CLASP2: variants seen among roughly 807,000 people sequenced by gnomAD.
The protein encoded by CLASP2 is cytoplasmic linker associated protein 2, also known as CLIP-associating protein 2.
In CLASP2, 47 loss-of-function variants were observed where a neutral mutation model predicts 194.4. The ratio of observed to expected loss-of-function variants is 0.24; its 90% CI spans 0.19 to 0.31. The LOEUF is 0.31. Ranked by LOEUF, CLASP2 falls within the 10% of genes least tolerant of loss-of-function variation. The pLI, the probability that CLASP2 is intolerant of heterozygous loss-of-function variation, is 1.00. For missense variants in CLASP2, 1,445 were observed against 1,823.6 expected (o/e 0.79, Z 3.78); for synonymous variants, 619 against 633.5 (o/e 0.98, Z 0.34).
At chr3:33,646,667 T>C (rs62252159) in intron 7 of CLASP2, among the ~76,000 whole-genome samples, 1 of 152,020 alleles carries the variant, frequency 6.6e-6, no homozygotes, top group African/African-American at 2.4e-5. Flanking sequence ...GTCCCTACCA[T>C]TAAAAAAAAA....
intron 6 of CLASP2, among the ~76,000 whole-genome samples, chr3:33,666,932 T>C (rs2086276839): frequency 6.6e-6 from 1 of 152,204 alleles, no homozygotes; most frequent in South Asian, 2.1e-4. Flanking sequence ...GGGTGCATAA[T>C]AGTTTTGATC....
intron 8 of CLASP2, among the ~76,000 whole-genome samples, chr3:33,638,481 T>C (rs1339639157): frequency 6.6e-6 from 1 of 152,036 alleles, no homozygotes; most frequent in African/African-American, 2.4e-5. Context: ...ATTTTTTTTG[T>C]ATTTTCAGTA....
chr3:33,579,520 T>A (rs938635612), intron 23 of CLASP2, among the ~76,000 whole-genome samples: 1 of 152,164 alleles, frequency 6.6e-6, no homozygotes, highest in Non-Finnish European at 1.5e-5. Context: ...AAATCTGAGA[T>A]CCTTCCCACT....
chr3:33,692,324 T>C (rs1263653866), intron 2 of CLASP2, among the ~76,000 whole-genome samples: 1 of 152,158 alleles, frequency 6.6e-6, no homozygotes, highest in East Asian at 1.9e-4. Context: ...AGACACTTCA[T>C]TCCTGAGAGG....
chr3:33,625,858 T>G (rs1293021095), intron 10 of CLASP2, among the ~76,000 whole-genome samples: 1 of 152,010 alleles, frequency 6.6e-6, no homozygotes, highest in Non-Finnish European at 1.5e-5. Flanking sequence ...TTTTCTGCAT[T>G]GTTTCACTTA....
intron 8 of CLASP2, 147 bp from the exon 9 acceptor site, chr3:33,632,518 C>T (rs1031777453): frequency 4.7e-6 from 3 of 638,380 alleles, no homozygotes; most frequent in Admixed American, 3.2e-5. Context: ...TTTAAAAAAT[C>T]TCCAACTTTC....
chr3:33,502,862 A>G (rs2047154158), intron 37 of CLASP2: 1 of 152,208 alleles, frequency 6.6e-6, no homozygotes, highest in African/African-American at 2.4e-5. Flanking sequence ...CATCATTTTA[A>G]TATAATTGCA....
chr3:33,688,245 A>T, intron 4 of CLASP2, 32 bp downstream of exon 4: 1 of 1,472,672 alleles, frequency 6.8e-7, no homozygotes, highest in South Asian at 1.3e-5. Context: ...ATAAAAAACA[A>T]GACAGTTATT....
rs1321112944 is a variant in CLASP2 at position 33,529,559 on chromosome 3, T to G, written c.3787+5674A>C. Among the ~76,000 whole-genome samples the G allele has an allele frequency of 2.0e-5, 3 of 152,208 alleles. No individual in the cohort carries two copies. The East Asian group carries it at 5.8e-4, about 29-fold the overall frequency. On this transcript the variant is annotated intron_variant, in intron 34 of 38. Coordinates refer to ENST00000682230, the MANE Select transcript of CLASP2 (RefSeq NM_001365631.1). Reference sequence around the variant, plus strand: ...TTACATTCATATTTGAGGAGCCATCTTCTATCAAAGTTTTTAAAAATTTTT... The same window carrying G: ...TTACATTCATATTTGAGGAGCCATCGTCTATCAAAGTTTTTAAAAATTTTT...
intron 34 of CLASP2, among the ~76,000 whole-genome samples, chr3:33,522,225 G>C (rs1024758507): frequency 1.3e-5 from 2 of 152,048 alleles, no homozygotes; most frequent in African/African-American, 4.8e-5. Context: ...CTTTTTGGGA[G>C]CCAGACATTA....
chr3:33,557,136 G>A (rs2061091985), intron 29 of CLASP2, among the ~76,000 whole-genome samples: 1 of 151,782 alleles, frequency 6.6e-6, no homozygotes, highest in African/African-American at 2.4e-5. Context: ...ATCACCCCTG[G>A]CTAATTTTTG....
At chr3:33,660,015 C>A (rs1259493681) in intron 7 of CLASP2, among the ~76,000 whole-genome samples, 1 of 152,160 alleles carries the variant, frequency 6.6e-6, no homozygotes, top group Admixed American at 6.5e-5. Context: ...GCAACTGTTT[C>A]AAACAGAGAA....
chr3:33,635,116 C>A (rs1333256370), intron 8 of CLASP2, among the ~76,000 whole-genome samples: 2 of 151,240 alleles, frequency 1.3e-5, no homozygotes. Context: ...AAAACCCAGC[C>A]AGGAGTGGTG....
intron 26 of CLASP2, among the ~76,000 whole-genome samples, chr3:33,569,142 C>T (rs2063307614): frequency 6.6e-6 from 1 of 152,152 alleles, no homozygotes; most frequent in Non-Finnish European, 1.5e-5. Flanking sequence ...TGATGCAATC[C>T]TAGGGAAAAT....
chr3:33,640,465 A>T (rs1329078328), intron 8 of CLASP2, among the ~76,000 whole-genome samples: 1 of 152,222 alleles, frequency 6.6e-6, no homozygotes, highest in African/African-American at 2.4e-5. Context: ...GAAAGTTAAA[A>T]CCATTTCAAA....
At chr3:33,508,267 C>T (rs987536124) in intron 37 of CLASP2, among the ~76,000 whole-genome samples, 2 of 152,082 alleles carry the variant, frequency 1.3e-5, no homozygotes, top group African/African-American at 4.8e-5. Context: ...GATCCTCTTA[C>T]CTTGGCTTCC....
chr3:33,676,152 T>G (rs1274087782), intron 6 of CLASP2, among the ~76,000 whole-genome samples: 2 of 152,006 alleles, frequency 1.3e-5, no homozygotes, highest in Admixed American at 1.3e-4. Context: ...AGAACAAAGC[T>G]GGAGGCATCA....
intron 6 of CLASP2, among the ~76,000 whole-genome samples, chr3:33,678,251 A>G (rs1021360538): frequency 6.6e-6 from 1 of 152,156 alleles, no homozygotes; most frequent in African/African-American, 2.4e-5. Flanking sequence ...CAGATACCAA[A>G]CCGCAGATCC....
intron 8 of CLASP2, among the ~76,000 whole-genome samples, chr3:33,633,142 C>T (rs1281739764): frequency 6.6e-6 from 1 of 152,128 alleles, no homozygotes; most frequent in Non-Finnish European, 1.5e-5. Flanking sequence ...GCACCTGACT[C>T]CAGTTTGCAG....
Sources: gnomAD v4.1 joint callset for allele counts (sites outside exome capture counted in the v4.1 genomes callset) on GRCh38, gnomAD v4.1.1 for gene constraint, MANE v1.5 for transcripts, NCBI Gene and HGNC (gene_info 2026-07-23, HGNC 2026-07-21) for gene names.